The following PHF21A variants were observed in gnomAD, a reference collection of about 807,000 sequenced individuals.
The protein encoded by PHF21A is PHD finger protein 21A, also known as BHC80a.
A neutral mutation model predicts 82.5 loss-of-function variants in PHF21A; 11 were observed. The ratio of observed to expected loss-of-function variants is 0.13; its 90% CI spans 0.08 to 0.22. PHF21A has a LOEUF of 0.22. Ranked by LOEUF, PHF21A falls within the 10% of genes least tolerant of loss-of-function variation. The pLI, the probability that PHF21A is intolerant of heterozygous loss-of-function variation, is 1.00. For synonymous variants in PHF21A, 297 were observed against 302.8 expected (o/e 0.98, Z 0.20); for missense variants, 579 against 837.8 (o/e 0.69, Z 3.81).
At chr11:46,087,650 A>C (rs1348946376) in intron 3 of PHF21A, among the ~76,000 whole-genome samples, 2 of 152,206 alleles carry the variant, frequency 1.3e-5, no homozygotes, top group African/African-American at 4.8e-5. Flanking sequence ...GTTTACAAAA[A>C]CAAGGCAGGT....
chr11:46,077,327 T>G (rs1254246799), intron 5 of PHF21A, among the ~76,000 whole-genome samples: 1 of 152,248 alleles, frequency 6.6e-6, no homozygotes, highest in African/African-American at 2.4e-5. Flanking sequence ...TGCAACTGCC[T>G]TAACACTACA....
chr11:45,957,751 C>CAAAAAAAAAAAAAAAAAAAAAAAAGA, intron 10 of PHF21A, among the ~76,000 whole-genome samples: 3 of 60,894 alleles, frequency 4.9e-5, no homozygotes, highest in Non-Finnish European at 6.7e-5. Context: ...AAATTCAAAG[C>CAAAAAAAAAAAAAAAAAAAAAAAAGA]AAAAAAAAAA....
chr11:45,973,055 G>A (rs1396763040), intron 7 of PHF21A, among the ~76,000 whole-genome samples: 4 of 152,216 alleles, frequency 2.6e-5, no homozygotes, highest in African/African-American at 9.6e-5. Context: ...TCCAGCCTGG[G>A]CGACAAGAGT....
intron 5 of PHF21A, 24 bp from the exon 6 acceptor site, chr11:46,076,843 G>T: frequency 1.3e-6 from 2 of 1,559,492 alleles, no homozygotes; most frequent in Non-Finnish European, 1.8e-6. Flanking sequence ...AAAAATATCT[G>T]TGAGAAAGAT....
intron 6 of PHF21A, among the ~76,000 whole-genome samples, chr11:46,072,237 G>A (rs1357827456): frequency 1.3e-5 from 2 of 152,180 alleles, no homozygotes; most frequent in Non-Finnish European, 2.9e-5. Context: ...ATGACTACCA[G>A]CAATAAACTA....
chr11:45,963,867 A>G (rs1207352889), intron 10 of PHF21A, among the ~76,000 whole-genome samples: 1 of 152,130 alleles, frequency 6.6e-6, no homozygotes, highest in Admixed American at 6.5e-5. Flanking sequence ...TCTGCTGTCA[A>G]TAAGTTTGAA....
chr11:46,010,498 G>A (rs527616005), intron 6 of PHF21A, among the ~76,000 whole-genome samples: 8 of 152,200 alleles, frequency 5.3e-5, no homozygotes, highest in Non-Finnish European at 8.8e-5. Flanking sequence ...TCTAATGCCT[G>A]AATTTCTTTC....
chr11:46,097,213 C>T (rs2097011515), intron 1 of PHF21A, among the ~76,000 whole-genome samples: 1 of 152,160 alleles, frequency 6.6e-6, no homozygotes, highest in African/African-American at 2.4e-5. Flanking sequence ...GTAAGCTTTT[C>T]AAAATCCAAG....
At chr11:45,982,131 A>T (rs1204116729) in intron 6 of PHF21A, among the ~76,000 whole-genome samples, 3 of 151,014 alleles carry the variant, frequency 2.0e-5, no homozygotes, top group African/African-American at 4.9e-5. Flanking sequence ...TAATTTTTTT[A>T]TTTTTTGTAG....
chr11:46,009,902 A>C (rs2095377722), intron 6 of PHF21A, among the ~76,000 whole-genome samples: 1 of 152,200 alleles, frequency 6.6e-6, no homozygotes, highest in Non-Finnish European at 1.5e-5. Context: ...TTAGGTGCTA[A>C]GTGTTTCCTT....
intron 6 of PHF21A, among the ~76,000 whole-genome samples, chr11:46,017,837 T>C (rs949620782): frequency 6.6e-6 from 1 of 152,184 alleles, no homozygotes; most frequent in Non-Finnish European, 1.5e-5. Context: ...ACAGTGTAAA[T>C]AGCCACCCAA....
At chr11:45,998,356 G>A (rs2094982712) in intron 6 of PHF21A, among the ~76,000 whole-genome samples, 1 of 152,104 alleles carries the variant, frequency 6.6e-6, no homozygotes, top group Admixed American at 6.5e-5. Context: ...TAGAGTGGTA[G>A]GCAGTATAAG....
intron 1 of PHF21A, among the ~76,000 whole-genome samples, chr11:46,115,389 CAT>C (rs1309042845): frequency 6.6e-6 from 1 of 152,148 alleles, no homozygotes; most frequent in Admixed American, 6.5e-5. Context: ...ATTTAACACA[CAT>C]ATAAGAATTA....
intron 6 of PHF21A, among the ~76,000 whole-genome samples, chr11:45,986,344 T>C (rs1217802120): frequency 6.6e-6 from 1 of 152,186 alleles, no homozygotes; most frequent in African/African-American, 2.4e-5. Flanking sequence ...AATATTGATA[T>C]AGTCAGACTT....
chr11:46,116,468 A>G (rs982119908), intron 1 of PHF21A: 2 of 152,202 alleles, frequency 1.3e-5, no homozygotes, highest in East Asian at 3.8e-4. Flanking sequence ...CATACTCACT[A>G]AAATCAACTA....
At chr11:46,108,003 T>G (rs1331680777) in intron 1 of PHF21A, among the ~76,000 whole-genome samples, 4 of 152,206 alleles carry the variant, frequency 2.6e-5, no homozygotes, top group African/African-American at 7.2e-5. Context: ...AGGGTATCTT[T>G]ACGCTGATTA....
At chr11:45,953,497 T>C in intron 11 of PHF21A, 30 bp downstream of exon 11, 2 of 1,401,680 alleles carry the variant, frequency 1.4e-6, no homozygotes, top group Non-Finnish European at 2.0e-6. Context: ...CACCATAGAC[T>C]GAGACCTGCC....
intron 6 of PHF21A, among the ~76,000 whole-genome samples, chr11:46,020,941 TA>T (rs2095616144): frequency 6.6e-6 from 1 of 152,158 alleles, no homozygotes; most frequent in Non-Finnish European, 1.5e-5. Context: ...GAAAATATTC[TA>T]AGTCGAAAGT....
At chr11:46,034,461 T>G (rs896193646) in intron 6 of PHF21A, among the ~76,000 whole-genome samples, 11 of 152,194 alleles carry the variant, frequency 7.2e-5, no homozygotes, top group African/African-American at 2.7e-4. Context: ...CTGGTCTTCT[T>G]ATCATACTAA....
Sources: gnomAD v4.1 joint callset for allele counts (sites outside exome capture counted in the v4.1 genomes callset) on GRCh38, gnomAD v4.1.1 for gene constraint, MANE v1.5 for transcripts, NCBI Gene and HGNC (gene_info 2026-07-23, HGNC 2026-07-21) for gene names.